ADGRL2: variants seen among roughly 807,000 people sequenced by gnomAD.
ADGRL2 encodes the protein adhesion G protein-coupled receptor L2, also known as calcium-independent alpha-latrotoxin receptor 2.
Under a neutral mutation model 157.4 loss-of-function variants are expected in ADGRL2, and 44 were observed. The ratio of observed to expected loss-of-function variants is 0.28; its 90% confidence interval spans 0.22 to 0.36. The LOEUF (loss-of-function observed/expected upper bound fraction) is 0.36, where lower values mean the gene tolerates loss of function less well. ADGRL2 is among the 10% of genes least tolerant of loss of function. The pLI, the probability that ADGRL2 is intolerant of heterozygous loss-of-function variation, is 1.00. For missense variants in ADGRL2, 1,510 were observed against 1,768.9 expected, an observed-to-expected ratio of 0.85 and a Z score of 2.63; for synonymous variants, 585 against 624.7, an observed-to-expected ratio of 0.94 and a Z score of 0.95.
chr1:81,514,193 T>C (rs1309702855), intron 2 of ADGRL2: 1 of 152,152 alleles, frequency 6.6e-6, no homozygotes, highest in Admixed American at 6.5e-5. Flanking sequence ...TGTATAGCAA[T>C]CTCAGTTTTT....
chr1:81,983,994 A>C (rs868101555), intron 19 of ADGRL2, among the ~76,000 whole-genome samples: 3 of 152,044 alleles, frequency 2.0e-5, no homozygotes, highest in African/African-American at 2.4e-5. Context: ...ACATCAGAAA[A>C]TGAAGAAAAC....
chr1:81,622,483 A>G (rs2081816773), intron 3 of ADGRL2, among the ~76,000 whole-genome samples: 1 of 152,206 alleles, frequency 6.6e-6, no homozygotes, highest in African/African-American at 2.4e-5. Flanking sequence ...CAGGAGCCTG[A>G]GGCAGGAGAA....
chr1:81,967,089 G>A (rs1308772742), intron 13 of ADGRL2, among the ~76,000 whole-genome samples: 1 of 152,078 alleles, frequency 6.6e-6, no homozygotes, highest in Non-Finnish European at 1.5e-5. Flanking sequence ...GCCTTAAAAT[G>A]CAAGTTGATA....
Position 81,400,052 on chromosome 1 carries a change from A to T in ADGRL2, c.-301-44984A>T, listed in dbSNP as rs187676377. Among the ~76,000 whole-genome samples the T allele has an allele frequency of 3.6e-3, 554 of 152,254 alleles. 4 individuals carry two copies. Among genetic ancestry groups the T allele is most frequent in the African/African-American group, 0.013 (534 of 41,560 alleles). ...TGTTCTTAAGCTATATTCAACATTAACAATAACTATGCATGCTTCAGTGGT... is the reference window on the plus strand; with the variant it reads ...TGTTCTTAAGCTATATTCAACATTATCAATAACTATGCATGCTTCAGTGGT... On this transcript the variant is annotated intron_variant, in intron 1 of 24. Transcript: ENST00000370721.
At chr1:81,315,497 T>C (rs1341036632) in intron 1 of ADGRL2, among the ~76,000 whole-genome samples, 3 of 152,146 alleles carry the variant, frequency 2.0e-5, no homozygotes, top group African/African-American at 7.2e-5. Flanking sequence ...CAAAATAAAA[T>C]AGTAAATTAT....
chr1:81,786,775 C>T (rs762378072), intron 2 of ADGRL2, among the ~76,000 whole-genome samples: 26 of 152,022 alleles, frequency 1.7e-4, no homozygotes, highest in Admixed American at 5.2e-4. Context: ...TTGTGTTTGG[C>T]GGTTTCTGCT....
chr1:81,960,186 G>A (rs535220873), intron 11 of ADGRL2, among the ~76,000 whole-genome samples: 2 of 152,250 alleles, frequency 1.3e-5, no homozygotes, highest in Admixed American at 1.3e-4. Flanking sequence ...AGGAAGTCAG[G>A]TGGGTAATTT....
intron 2 of ADGRL2, among the ~76,000 whole-genome samples, chr1:81,518,148 G>A (rs769955443): frequency 6.6e-6 from 1 of 152,246 alleles, no homozygotes; most frequent in South Asian, 2.1e-4. Flanking sequence ...GAGTAGGAAC[G>A]CGTGAAAGGA....
intron 10 of ADGRL2, among the ~76,000 whole-genome samples, chr1:81,953,505 A>AC (rs1158353059): frequency 6.6e-6 from 1 of 152,146 alleles, no homozygotes. Context: ...AATCAGGTTG[A>AC]TATGGGGATG....
chr1:81,764,044 T>A (rs1400493881), intron 2 of ADGRL2, among the ~76,000 whole-genome samples: 1 of 135,010 alleles, frequency 7.4e-6, no homozygotes, highest in African/African-American at 2.8e-5. Context: ...AAACAAAAAT[T>A]AGCCAGGCTT....
rs549139269 is a variant in ADGRL2 at position 81,434,199 on chromosome 1, T to A, written c.-301-10837T>A. Among the ~76,000 whole-genome samples the A allele has an allele frequency of 3.3e-5, 5 of 152,330 alleles. No homozygotes were observed. The South Asian group carries it at 1.0e-3, about 32-fold the overall frequency. On this transcript the variant is annotated intron_variant, in intron 1 of 24. Coordinates refer to the ADGRL2 transcript ENST00000370721. Reference sequence around the variant, plus strand: ...AGGAGTAGTAAATAATTTGATACCATCCCTGATCTACCACAAATACAGTAT... The same window carrying A: ...AGGAGTAGTAAATAATTTGATACCAACCCTGATCTACCACAAATACAGTAT...
At chr1:81,910,840 G>A (rs913792443) in intron 3 of ADGRL2, among the ~76,000 whole-genome samples, 2 of 151,362 alleles carry the variant, frequency 1.3e-5, no homozygotes, top group African/African-American at 4.8e-5. Context: ...TGGGAGACAT[G>A]TTTATTTCTT....
chr1:81,406,090 CTT>C (rs1013942040), intron 1 of ADGRL2, among the ~76,000 whole-genome samples: 2 of 152,130 alleles, frequency 1.3e-5, no homozygotes, highest in Non-Finnish European at 2.9e-5. Context: ...ATATTGCTCT[CTT>C]TACTGAGATC....
chr1:81,756,686 G>A (rs2085701689), intron 1 of ADGRL2, among the ~76,000 whole-genome samples: 1 of 152,118 alleles, frequency 6.6e-6, no homozygotes. Flanking sequence ...TTTGTTTCAT[G>A]TTAATTTTCC....
chr1:81,915,923 A>C (rs951741223), intron 3 of ADGRL2, among the ~76,000 whole-genome samples: 1 of 152,114 alleles, frequency 6.6e-6, no homozygotes, highest in African/African-American at 2.4e-5. Flanking sequence ...AAAGGAGAGT[A>C]TTATGGATGG....
intron 19 of ADGRL2, chr1:81,984,251 T>A (rs1207104672): frequency 1.2e-5 from 2 of 160,522 alleles, no homozygotes; most frequent in African/African-American, 4.8e-5. Context: ...GCATAAAAAA[T>A]TGGAGTTACT....
At chr1:81,445,621 T>C (rs2077584240) in intron 2 of ADGRL2, among the ~76,000 whole-genome samples, 2 of 152,200 alleles carry the variant, frequency 1.3e-5, no homozygotes, top group African/African-American at 4.8e-5. Flanking sequence ...GCTTTCCTGG[T>C]TATTACTAAG....
chr1:81,747,039 T>TAC (rs2085296184), intron 1 of ADGRL2, among the ~76,000 whole-genome samples: 1 of 147,506 alleles, frequency 6.8e-6, no homozygotes, highest in East Asian at 2.0e-4. Flanking sequence ...TATACGTATA[T>TAC]ATATGTATAT....
At chr1:81,431,648 T>C (rs941585418) in intron 1 of ADGRL2, among the ~76,000 whole-genome samples, 1 of 152,234 alleles carries the variant, frequency 6.6e-6, no homozygotes, top group Non-Finnish European at 1.5e-5. Flanking sequence ...TATTTGGTGA[T>C]TTTCAATTTT....
Sources: gnomAD v4.1 joint callset for allele counts (sites outside exome capture counted in the v4.1 genomes callset) on GRCh38, gnomAD v4.1.1 for gene constraint, MANE v1.5 for transcripts, NCBI Gene and HGNC (gene_info 2026-07-23, HGNC 2026-07-21) for gene names.